Variants in NAAA observed in about 807,000 individuals in gnomAD.
NAAA encodes the protein N-acylethanolamine acid amidase.
Under a neutral mutation model 44.8 loss-of-function variants are expected in NAAA, and 39 were observed. The ratio of observed to expected loss-of-function variants is 0.87; its 90% CI spans 0.67 to 1.14. The LOEUF (loss-of-function observed/expected upper bound fraction) is 1.14. Among genes scored for constraint, NAAA ranks in the 50% most tolerant of loss-of-function variants. The probability of loss-of-function intolerance (pLI) is 0.00; values close to 1 mark genes in which losing one functional copy is unlikely to be tolerated. For synonymous variants in NAAA, 178 were observed against 191.3 expected (o/e 0.93, Z 0.58); for missense variants, 460 against 467.8 (o/e 0.98, Z 0.15).
intron 2 of NAAA, among the ~76,000 whole-genome samples, chr4:75,939,455 G>T (rs906656582): frequency 1.2e-4 from 17 of 145,004 alleles, no homozygotes; most frequent in Non-Finnish European, 2.2e-4. Flanking sequence ...TCGCACTGTC[G>T]CCAGGGCTGG....
intron 4 of NAAA, among the ~76,000 whole-genome samples, chr4:75,928,358 G>C (rs1169098595): frequency 6.6e-6 from 1 of 152,200 alleles, no homozygotes; most frequent in Non-Finnish European, 1.5e-5. Context: ...AGGTGTGATG[G>C]GGGCTAGCTC....
chr4:75,937,626 C>G (rs1054135301), intron 2 of NAAA, among the ~76,000 whole-genome samples: 1 of 152,194 alleles, frequency 6.6e-6, no homozygotes, highest in East Asian at 1.9e-4. Flanking sequence ...TCTGGGACCA[C>G]AGGCGCAAGC....
chr4:75,933,049 C>A (rs933093770), intron 3 of NAAA, among the ~76,000 whole-genome samples: 1 of 150,696 alleles, frequency 6.6e-6, no homozygotes, highest in South Asian at 2.1e-4. Flanking sequence ...GCAGGAGAAT[C>A]GCTTGAACCC....
intron 1 of NAAA, 94 bp from the exon 2 acceptor site, chr4:75,940,259 G>C: frequency 7.2e-7 from 1 of 1,380,360 alleles, no homozygotes; most frequent in Non-Finnish European, 9.9e-7. Flanking sequence ...TCCTTAGGGC[G>C]TGAGGTCTCA....
intron 3 of NAAA, chr4:75,935,701 A>G: frequency 4.8e-6 from 1 of 207,828 alleles, no homozygotes; most frequent in Non-Finnish European, 9.4e-6. Flanking sequence ...GAAGTACAGT[A>G]ATTGATAGAA....
intron 3 of NAAA, among the ~76,000 whole-genome samples, chr4:75,931,718 T>C (rs773493465): frequency 6.6e-6 from 1 of 152,236 alleles, no homozygotes; most frequent in Non-Finnish European, 1.5e-5. Context: ...ATTTACTACT[T>C]TGAAATCATG....
intron 4 of NAAA, among the ~76,000 whole-genome samples, chr4:75,926,265 T>G (rs1173386722): frequency 6.6e-6 from 1 of 152,072 alleles, no homozygotes; most frequent in Non-Finnish European, 1.5e-5. Context: ...TTCTGCGCAT[T>G]AAAAGACAGT....
intron 5 of NAAA, among the ~76,000 whole-genome samples, chr4:75,921,819 G>A (rs543263200): frequency 6.6e-6 from 1 of 152,302 alleles, no homozygotes; most frequent in South Asian, 2.1e-4. Flanking sequence ...GGATGAAAGA[G>A]CATGCGCTAC....
At chr4:75,915,499 G>A (rs1012008960) in intron 9 of NAAA, among the ~76,000 whole-genome samples, 1 of 152,132 alleles carries the variant, frequency 6.6e-6, no homozygotes, top group Non-Finnish European at 1.5e-5. Context: ...ACATTCCCCA[G>A]CAAGCACCTG....
rs78481348 is a variant in NAAA at position 75,923,032 on chromosome 4, C to CT, written c.667-1910dup. On this transcript the variant is annotated intron_variant, in intron 5 of 10. Coordinates refer to ENST00000286733, the MANE Select transcript of NAAA (RefSeq NM_014435.4). ...TAGACATGGAGTTTCTTTCTTCTTCCTTTTTTTTTTTTAGTCTAGGTCCCA... is the reference window on the plus strand; with the variant it reads ...TAGACATGGAGTTTCTTTCTTCTTCCTTTTTTTTTTTTTAGTCTAGGTCCCA... Among the ~76,000 whole-genome samples the CT allele has an allele frequency of 3.8e-3, 545 of 144,302 alleles. 2 individuals carry two copies. Among genetic ancestry groups the CT allele is most frequent in the African/African-American group, 0.01 (410 of 39,536 alleles). The allele number at this position is 144,302 out of a possible 152,430, so 94.7% of individuals were successfully genotyped here.
intron 9 of NAAA, chr4:75,917,024 C>T (rs899262438): frequency 1.4e-6 from 1 of 716,144 alleles, no homozygotes; most frequent in African/African-American, 2.0e-5. Flanking sequence ...AAGTGATCCA[C>T]CCGCCTCGGC....
chr4:75,916,080 A>T (rs927912340), intron 9 of NAAA, among the ~76,000 whole-genome samples: 2 of 152,198 alleles, frequency 1.3e-5, no homozygotes, highest in Non-Finnish European at 2.9e-5. Context: ...CTTTAGTCAT[A>T]GTTCTGCTCT....
chr4:75,921,231 C>A, intron 5 of NAAA, 108 bp from the exon 6 acceptor site: 1 of 1,040,990 alleles, frequency 9.6e-7, no homozygotes, highest in Non-Finnish European at 1.4e-6. Flanking sequence ...TATGTCATGA[C>A]TATCACCTTG....
chr4:75,931,804 C>A (rs1727253476), intron 3 of NAAA, among the ~76,000 whole-genome samples: 1 of 152,158 alleles, frequency 6.6e-6, no homozygotes, highest in South Asian at 2.1e-4. Flanking sequence ...TGGCTGTTTT[C>A]AACACAACTG....
intron 4 of NAAA, among the ~76,000 whole-genome samples, chr4:75,928,363 T>C (rs1216436080): frequency 6.6e-6 from 1 of 152,200 alleles, no homozygotes; most frequent in East Asian, 1.9e-4. Context: ...TGATGGGGGC[T>C]AGCTCAGCAG....
intron 3 of NAAA, among the ~76,000 whole-genome samples, chr4:75,933,758 G>C (rs1028711365): frequency 1.3e-5 from 2 of 152,064 alleles, no homozygotes; most frequent in Non-Finnish European, 2.9e-5. Flanking sequence ...CCTGGTGCCT[G>C]GTGCGGTGGC....
Position 75,914,995 on chromosome 4 carries a change from A to G in NAAA, c.999-10T>C, listed in dbSNP as rs376673438. On this transcript the variant is annotated splice_polypyrimidine_tract_variant and intron_variant, in intron 9 of 10. Coordinates refer to ENST00000286733, the MANE Select transcript of NAAA (RefSeq NM_014435.4). ...AGTATAAATTGTGAAGCTGAAAATTATGAGGAAATTTTATGTACACATCAT... is the reference window on the plus strand; with the variant it reads ...AGTATAAATTGTGAAGCTGAAAATTGTGAGGAAATTTTATGTACACATCAT... 1 of 1,583,512 alleles carries G rather than the reference A, an allele frequency of 6.3e-7. No individual in the cohort carries two copies. The highest frequency in any genetic ancestry group is 8.7e-7 in the Non-Finnish European group (1 of 1,152,500).
In NAAA at chr4:75,940,810, C is replaced by G. The variant is rs761461684; in HGVS notation, c.140G>C (p.Arg47Pro). 2 of 1,598,368 alleles carry G rather than the reference C, an allele frequency of 1.3e-6. No homozygotes were observed. The highest frequency in any genetic ancestry group is 1.7e-6 in the Non-Finnish European group (2 of 1,178,754). The change falls in exon 1 of 11, where the codon CGC becomes CCC. Residue 47 changes from arginine (R) to proline (P), a missense_variant. By Grantham distance (103) the Arg-to-Pro change is moderately radical (BLOSUM62 -2). Transcript: ENST00000286733. ...NVSLDSVPEL[R>P]WLPVLRHYDL... is the part of the protein sequence containing the mutation. ...GTAGTGCCGCAGCACGGGCAGCCAG[C>G]GCAGCTCGGGGACCGAGTCCAGGCT...
chr4:75,911,936 A>G (rs1266188186), downstream of NAAA, among the ~76,000 whole-genome samples: 1 of 152,166 alleles, frequency 6.6e-6, no homozygotes, highest in Non-Finnish European at 1.5e-5. Context: ...CTTTAAAGTT[A>G]AACTCTAAAC....
Sources: allele counts gnomAD v4.1 joint callset (sites outside exome capture counted in the v4.1 genomes callset), GRCh38; gene constraint gnomAD v4.1.1; transcripts MANE v1.5; gene names NCBI Gene and HGNC (gene_info 2026-07-23, HGNC 2026-07-21).